SYT3: variants seen among roughly 807,000 people sequenced by gnomAD.
SYT3 encodes synaptotagmin 3, also known as synaptotagmin-3.
SYT3 carries 25 observed loss-of-function variants against 50.6 expected under a neutral mutation model. The ratio of observed to expected loss-of-function variants is 0.49; its 90% CI spans 0.36 to 0.69. The LOEUF (loss-of-function observed/expected upper bound fraction) is 0.69. SYT3 is among the 30% of genes least tolerant of loss of function. The pLI, the probability that SYT3 is intolerant of heterozygous loss-of-function variation, is 0.00. For synonymous variants in SYT3, 323 were observed against 353.9 expected (o/e 0.91, Z 0.98); for missense variants, 589 against 793.6 (o/e 0.74, Z 3.10).
At chr19:50,624,268 C>G (rs950271115) in intron 9 of SYT3, among the ~76,000 whole-genome samples, 6 of 152,222 alleles carry the variant, frequency 3.9e-5, no homozygotes, top group East Asian at 1.9e-4. Context: ...TGTGCCCTGC[C>G]CAAGTTTTTA....
At chr19:50,633,314 A>G (rs1472069017) in intron 3 of SYT3, among the ~76,000 whole-genome samples, 1 of 152,236 alleles carries the variant, frequency 6.6e-6, no homozygotes, top group Non-Finnish European at 1.5e-5. Context: ...AAAGATGAGG[A>G]AACTGAGACA....
chr19:50,647,538 G>C, the SYT3 span, among the ~76,000 whole-genome samples: 1 of 152,002 alleles, frequency 6.6e-6, no homozygotes, highest in African/African-American at 2.4e-5. Context: ...TAAATAGCTG[G>C]GCGTAGTGGT....
At chr19:50,628,451 A>G (rs1448314462) in intron 6 of SYT3, among the ~76,000 whole-genome samples, 1 of 152,166 alleles carries the variant, frequency 6.6e-6, no homozygotes, top group Non-Finnish European at 1.5e-5. Flanking sequence ...TGGGGATCCC[A>G]GGATGGCTGA....
upstream of SYT3, among the ~76,000 whole-genome samples, chr19:50,643,078 G>A (rs1380604995): frequency 6.6e-6 from 1 of 151,728 alleles, no homozygotes; most frequent in Non-Finnish European, 1.5e-5. Flanking sequence ...ATTAAAAACT[G>A]TATGGGTCTG....
the SYT3 span, chr19:50,657,940 A>C: frequency 0.062 from 92,010 of 1,484,382 alleles, 3,194 homozygotes; most frequent in Non-Finnish European, 0.068. Context: ...TCTGAACCCA[A>C]AATGAACCAG....
chr19:50,640,882 G>T (rs1313622218), upstream of SYT3, among the ~76,000 whole-genome samples: 1 of 152,158 alleles, frequency 6.6e-6, no homozygotes, highest in East Asian at 1.9e-4. Flanking sequence ...TGGCTCGGAG[G>T]CCCCCTCAGT....
chr19:50,630,392 C>T (rs1361456736), intron 4 of SYT3, among the ~76,000 whole-genome samples: 5 of 138,338 alleles, frequency 3.6e-5, no homozygotes, highest in African/African-American at 1.3e-4. Context: ...CTCCCTCCCT[C>T]CCTCCCTCCC....
At chr19:50,653,709 C>T in the SYT3 span, among the ~76,000 whole-genome samples, 2 of 150,368 alleles carry the variant, frequency 1.3e-5, no homozygotes, top group Admixed American at 6.6e-5. Flanking sequence ...CACACACACA[C>T]ACACACACAC....
chr19:50,651,919 T>G, the SYT3 span, among the ~76,000 whole-genome samples: 1 of 152,258 alleles, frequency 6.6e-6, no homozygotes, highest in African/African-American at 2.4e-5. Context: ...TTTTTTCACA[T>G]GCATCTTTGA....
At chr19:50,630,505 C>T (rs1456841993) in intron 4 of SYT3, among the ~76,000 whole-genome samples, 1 of 151,518 alleles carries the variant, frequency 6.6e-6, no homozygotes, top group East Asian at 2.0e-4. Context: ...CCACTGCAAA[C>T]TCTGCCTCCC....
At chr19:50,640,852 A>T (rs1050765834), upstream of SYT3, among the ~76,000 whole-genome samples, 1 of 152,200 alleles carries the variant, frequency 6.6e-6, no homozygotes, top group Non-Finnish European at 1.5e-5. Context: ...CTTGATCTAG[A>T]TCTACATAGC....
intron 4 of SYT3, among the ~76,000 whole-genome samples, chr19:50,631,246 G>A (rs981679727): frequency 3.3e-5 from 5 of 150,848 alleles, no homozygotes; most frequent in Non-Finnish European, 5.9e-5. Flanking sequence ...TGGCTCCCAG[G>A]TTCAAGAGAT....
At position 50,629,390 on chromosome 19, in the gene SYT3, G is replaced by A. The variant is rs747005566; in HGVS notation, c.1185C>T (p.His395=). 8.1e-6 allele frequency: 13 copies of A among 1,613,868 alleles called. No homozygotes were observed. In the East Asian group the frequency reaches 2.0e-4, roughly 25 times the overall value. ...CCAGCACCACCTGGCCGATGAGGTC[G>A]TGCCGCGAGAAGCGGTCAAAGTCAT... ...SVYDFDRFSR[H]DLIGQVVLDN... is the part of the protein sequence containing the mutation. The change falls in exon 6 of 11, where the codon CAC becomes CAT. Residue 395 remains histidine, a synonymous_variant. Coordinates refer to ENST00000600079, the MANE Select transcript of SYT3 (RefSeq NM_001160329.2).
the SYT3 span, among the ~76,000 whole-genome samples, chr19:50,647,854 G>A: frequency 3.3e-4 from 50 of 152,250 alleles, no homozygotes; most frequent in Middle Eastern, 3.4e-3. Context: ...CCTCCATCCC[G>A]CTGAGATAAA....
At chr19:50,630,714 C>A (rs1475655673) in intron 4 of SYT3, among the ~76,000 whole-genome samples, 1 of 152,130 alleles carries the variant, frequency 6.6e-6, no homozygotes, top group Non-Finnish European at 1.5e-5. Context: ...TGAGCCACCA[C>A]ACCCAGCCTC....
the SYT3 span, among the ~76,000 whole-genome samples, chr19:50,652,432 A>G: frequency 1.3e-5 from 2 of 152,314 alleles, no homozygotes; most frequent in South Asian, 2.1e-4. Flanking sequence ...TTGCAATACT[A>G]TGAGTACAAA....
chr19:50,656,320 C>G, the SYT3 span: 1 of 1,536,258 alleles, frequency 6.5e-7, no homozygotes, highest in Non-Finnish European at 8.7e-7. Flanking sequence ...AGCTTCCCAG[C>G]CCCTCTGCCT....
upstream of SYT3, among the ~76,000 whole-genome samples, chr19:50,641,440 A>T (rs1270840195): frequency 6.7e-6 from 1 of 148,562 alleles, no homozygotes; most frequent in Non-Finnish European, 1.5e-5. Context: ...AAGTGCTGGG[A>T]TTACAGACGT....
At chr19:50,641,984 C>T (rs1984690576), upstream of SYT3, among the ~76,000 whole-genome samples, 3 of 152,206 alleles carry the variant, frequency 2.0e-5, no homozygotes, top group Non-Finnish European at 4.4e-5. Context: ...ATCCTGGGCC[C>T]TCCCTCTAAT....
Sources: gnomAD v4.1 joint callset for allele counts (sites outside exome capture counted in the v4.1 genomes callset) on GRCh38, gnomAD v4.1.1 for gene constraint, MANE v1.5 for transcripts, NCBI Gene and HGNC (gene_info 2026-07-23, HGNC 2026-07-21) for gene names.